Variants in CNKSR1 observed in about 807,000 individuals in gnomAD.
CNKSR1 encodes the protein CNK homolog protein 1.
CNKSR1 carries 88 observed loss-of-function variants against 95.6 expected under a neutral mutation model. That is an observed-to-expected ratio of 0.92 (90% confidence interval 0.78 to 1.10). The LOEUF is 1.10. Ranked by LOEUF, CNKSR1 falls within the 50% of genes least tolerant of loss-of-function variation. The pLI, the probability that CNKSR1 is intolerant of heterozygous loss-of-function variation, is 0.00. For missense variants in CNKSR1, 836 were observed against 912.0 expected, an observed-to-expected ratio of 0.92 and a Z score of 1.07; for synonymous variants, 355 against 369.7, an observed-to-expected ratio of 0.96 and a Z score of 0.46.
rs545212933 is a variant in CNKSR1 at position 26,178,332 on chromosome 1, C to T, written c.52+733C>T. Among the ~76,000 whole-genome samples, 7 of 152,302 alleles carry T rather than the reference C, an allele frequency of 4.6e-5. No individual in the cohort carries two copies. The Middle Eastern group carries it at 0.01, about 222-fold the overall frequency. ...TTTGCTCAGTCTCTGGTGTCATTTT[C>T]CCCGCTCCACACCCTGAGCTCCTAG... On this transcript the variant is annotated intron_variant, in intron 1 of 20. Transcript: ENST00000361530.
intron 16 of CNKSR1, among the ~76,000 whole-genome samples, chr1:26,187,939 TA>T (rs1224772449): frequency 6.6e-6 from 1 of 151,678 alleles, no homozygotes; most frequent in African/African-American, 2.4e-5. Flanking sequence ...TTTTTTTAAT[TA>T]AAAAGTTTTG....
chr1:26,189,470 C>T lies in CNKSR1; in HGVS notation c.2064C>T (p.Ser688=), dbSNP rs1007171730. 7.4e-6 allele frequency: 12 copies of T among 1,614,012 alleles called. No homozygotes were observed. In the Middle Eastern group the frequency reaches 1.2e-3, roughly 155 times the overall value. The part of the protein sequence containing the change: ...TSDSTEQSPH[S]LPSDPEEHSH... ...ACTCCACAGAACAGTCCCCCCACTCCCTGCCCTCTGACCCTGAAGAGCACT... is the reference window on the plus strand; with the variant it reads ...ACTCCACAGAACAGTCCCCCCACTCTCTGCCCTCTGACCCTGAAGAGCACT... The change falls in exon 21 of 21, where the codon TCC becomes TCT. Residue 688 remains serine (S), a synonymous_variant. Transcript: ENST00000361530.
intron 8 of CNKSR1, 57 bp downstream of exon 8, chr1:26,183,471 T>C: frequency 6.4e-7 from 1 of 1,574,542 alleles, no homozygotes; most frequent in Non-Finnish European, 8.7e-7. Context: ...GGAACCCAAG[T>C]CTGGTGGGTG....
intron 14 of CNKSR1, 22 bp downstream of exon 14, chr1:26,185,208 C>G (rs1357162363): frequency 1.9e-6 from 3 of 1,550,230 alleles, no homozygotes; most frequent in East Asian, 2.4e-5. Context: ...TACACAAAAA[C>G]AGGTAGGCAA....
rs114834643 is a variant in CNKSR1, at chr1:26,181,848, C to T, written c.393-9C>T. The T allele has an allele frequency of 3.1e-3, 5,036 of 1,613,830 alleles. 110 individuals are homozygous for T. In the African/African-American group the frequency reaches 0.053, roughly 17 times the overall value. ...TCCCTTAACCACTGTGCTATTCTTCCCCTGCCAGGTACCTCTTCTCCCACT... is the reference window on the plus strand; with the variant it reads ...TCCCTTAACCACTGTGCTATTCTTCTCCTGCCAGGTACCTCTTCTCCCACT... On this transcript the variant is annotated splice_polypyrimidine_tract_variant and intron_variant, in intron 3 of 20. Coordinates refer to ENST00000361530, the MANE Select transcript of CNKSR1 (RefSeq NM_006314.3).
At position 26,184,159 on chromosome 1, in the gene CNKSR1, G is replaced by C; in HGVS notation, c.926+18G>C. The C allele has an allele frequency of 6.2e-7, 1 of 1,612,534 alleles. No individual in the cohort carries two copies. The highest frequency in any genetic ancestry group is 8.5e-7 in the Non-Finnish European group (1 of 1,179,356). On this transcript the variant is annotated intron_variant, in intron 10 of 20. Coordinates refer to ENST00000361530, the MANE Select transcript of CNKSR1 (RefSeq NM_006314.3). The stretch of plus-strand genomic sequence containing the variant: ...TCTCCCAGGTAACAGGCTCTGTCCA[G>C]GTGTGTCTTGGTGGGGAGACCGTGG...
chr1:26,182,065 A>G, intron 4 of CNKSR1, 124 bp downstream of exon 4: 1 of 975,214 alleles, frequency 1.0e-6, no homozygotes, highest in Non-Finnish European at 1.6e-6. Flanking sequence ...AAAGGAGGAG[A>G]GGAGGCCCTG....
chr1:26,179,695 C>T (rs1569871249), intron 1 of CNKSR1, among the ~76,000 whole-genome samples: 1 of 152,190 alleles, frequency 6.6e-6, no homozygotes, highest in South Asian at 2.1e-4. Context: ...ATTATTCTCA[C>T]ATTACAGGTG....
chr1:26,183,250 C>T lies in CNKSR1; in HGVS notation c.678C>T (p.Asp226=), dbSNP rs954027891. The stretch of plus-strand genomic sequence containing the variant: ...GCCAGCACTTTGTGTCCCAAGTGGA[C>T]ACCCAGGTGAGAGCCCCACACCCTT... ...SNCQHFVSQV[D]TQVPTDSRLQ... The change falls in exon 7 of 21, where the codon GAC becomes GAT. Residue 226 remains aspartate, a synonymous_variant. Transcript: ENST00000361530. 6.8e-6 allele frequency: 11 copies of T among 1,614,184 alleles called. No individual in the cohort carries two copies. Among genetic ancestry groups the T allele is most frequent in the Non-Finnish European group, 8.5e-6 (10 of 1,180,022 alleles).
At chr1:26,183,638 G>A in intron 8 of CNKSR1, 91 bp from the exon 9 acceptor site, 1 of 1,120,732 alleles carries the variant, frequency 8.9e-7, no homozygotes, top group Non-Finnish European at 1.4e-6. Flanking sequence ...GTGGGAGGCT[G>A]AGAGAGAGCT....
In CNKSR1 at chr1:26,177,562, G is replaced by A; in HGVS notation, c.15G>A (p.Glu5=). The change falls in exon 1 of 21, where the codon GAG becomes GAA. Residue 5 remains glutamate, a synonymous_variant. Coordinates refer to ENST00000361530, the MANE Select transcript of CNKSR1 (RefSeq NM_006314.3). MEPV[E]TWTPGKVATW... ...AGAGCTGGGCCATGGAACCGGTAGA[G>A]ACCTGGACCCCCGGAAAGGTGGCAA... The A allele has an allele frequency of 6.2e-7, 1 of 1,614,158 alleles. No homozygotes were observed. Among genetic ancestry groups the A allele is most frequent in the East Asian group, 2.2e-5 (1 of 44,888 alleles).
rs372777825 is a variant in CNKSR1, at chr1:26,177,749, G to A, written c.52+150G>A. The A allele has an allele frequency of 2.3e-4, 198 of 850,836 alleles. 2 individuals are homozygous for A. In the Middle Eastern group the frequency reaches 4.0e-3, roughly 17 times the overall value. 52.7% of individuals were successfully genotyped at this position (850,836 alleles called of 1,614,324 possible). The stretch of plus-strand genomic sequence containing the variant: ...CCAGCACTTTGGGAAGCCAAGGTGG[G>A]TGGGTCACCTGAGGTCGGGAGTTCA... On this transcript the variant is annotated intron_variant, in intron 1 of 20. Transcript: ENST00000361530.
chr1:26,177,635 G>T (rs1249374594), intron 1 of CNKSR1, 36 bp downstream of exon 1: 1 of 1,612,536 alleles, frequency 6.2e-7, no homozygotes, highest in Non-Finnish European at 8.5e-7. Flanking sequence ...GCTTGAAGGG[G>T]ACTAGGTGTG....
rs1332881558 is a variant in CNKSR1 at position 26,184,504 on chromosome 1, C to T, written c.1104C>T (p.Asp368=). The T allele has an allele frequency of 1.2e-6, 2 of 1,611,558 alleles. No homozygotes were observed. Among genetic ancestry groups the T allele is most frequent in the Non-Finnish European group, 1.7e-6 (2 of 1,178,862 alleles). ...CTCCAGGGCTCCCTGAATCCCCTGA[C>T]AAGGTAAGCTCAGGGGCTTAGCAAG... is the stretch of plus-strand genomic sequence containing the variant. ...AGTPGLPESP[D]KSPVGRKKSK... is the part of the protein sequence containing the mutation. Residue 368 remains aspartate (D), a synonymous_variant, in exon 12 of 21, where the codon GAC becomes GAT. Coordinates refer to ENST00000361530, the MANE Select transcript of CNKSR1 (RefSeq NM_006314.3).
chr1:26,177,668 G>A, intron 1 of CNKSR1, 69 bp downstream of exon 1: 2 of 1,581,116 alleles, frequency 1.3e-6, no homozygotes, highest in Non-Finnish European at 1.7e-6. Context: ...GAAGCGGGAG[G>A]AGAGGAAAAG....
In CNKSR1 at chr1:26,188,885, C is replaced by A; in HGVS notation, c.1804C>A (p.Arg602=). 1 of 1,613,338 alleles carries A rather than the reference C, an allele frequency of 6.2e-7. No homozygotes were observed. Among genetic ancestry groups the A allele is most frequent in the East Asian group, 2.2e-5 (1 of 44,842 alleles). The part of the protein sequence containing the change: ...TQEQWRSSFM[R]RNRDPQLNER... Reference sequence around the variant, plus strand: ...GGAACAGTGGCGGAGCTCTTTCATGCGGCGCAACCGAGACCCTCAGCTCAA... The same window carrying A: ...GGAACAGTGGCGGAGCTCTTTCATGAGGCGCAACCGAGACCCTCAGCTCAA... The change falls in exon 20 of 21, where the codon CGG becomes AGG. Residue 602 remains arginine, a synonymous_variant. Coordinates refer to ENST00000361530, the MANE Select transcript of CNKSR1 (RefSeq NM_006314.3).
chr1:26,186,920 T>C (rs1478182090), intron 14 of CNKSR1: 1 of 488,518 alleles, frequency 2.0e-6, no homozygotes, highest in Non-Finnish European at 3.7e-6. Flanking sequence ...TCCTCTTTTT[T>C]TTTTTTTTGG....
chr1:26,188,317 T>C lies in CNKSR1; in HGVS notation c.1528+10T>C, dbSNP rs1236733964. The C allele has an allele frequency of 6.2e-7, 1 of 1,613,954 alleles. No individual in the cohort carries two copies. On this transcript the variant is annotated intron_variant, in intron 17 of 20. Coordinates refer to ENST00000361530, the MANE Select transcript of CNKSR1 (RefSeq NM_006314.3). ...CCACCCCGAGAGGAAGGTAGGTGTC[T>C]CGCAGGGTTGAGTGGGAGGAACCCT...
rs777193814 is a variant in CNKSR1, at chr1:26,189,630, C to G, written c.*82C>G. The stretch of plus-strand genomic sequence containing the variant: ...TTCTGACGTGTCCAGGACAGAGCAT[C>G]CCTGGATTCTGTTCAGGGTGGGAAG... On this transcript the variant is annotated 3_prime_UTR_variant, in exon 21 of 21. Coordinates refer to ENST00000361530, the MANE Select transcript of CNKSR1 (RefSeq NM_006314.3). The G allele has an allele frequency of 5.3e-5, 43 of 813,732 alleles. No individual in the cohort carries two copies. The highest frequency in any genetic ancestry group is 4.9e-5 in the Non-Finnish European group (22 of 448,372). The allele number at this position is 813,732 out of a possible 1,614,324, so 50.4% of individuals were successfully genotyped here. A position where few individuals can be genotyped will look rare whatever the true frequency, so the allele number is the denominator to read the frequency against.
Sources: gnomAD v4.1 joint callset for allele counts (sites outside exome capture counted in the v4.1 genomes callset) on GRCh38, gnomAD v4.1.1 for gene constraint, MANE v1.5 for transcripts, NCBI Gene and HGNC (gene_info 2026-07-23, HGNC 2026-07-21) for gene names.